The following ULK4 variants were observed in gnomAD, a reference collection of about 807,000 sequenced individuals.
ULK4 encodes unc-51 like kinase 4, also known as inactive serine/threonine-protein kinase ULK4.
In ULK4, 133 loss-of-function variants were observed where a neutral mutation model predicts 160.6. The ratio of observed to expected loss-of-function variants is 0.83; its 90% CI spans 0.72 to 0.96. The LOEUF is 0.96. Ranked by LOEUF, ULK4 falls within the 40% of genes least tolerant of loss-of-function variation. The pLI is 0.00. For missense variants in ULK4, 1,580 were observed against 1,499.5 expected, an observed-to-expected ratio of 1.05 and a Z score of -0.89; for synonymous variants, 534 against 539.8, an observed-to-expected ratio of 0.99 and a Z score of 0.15.
intron 34 of ULK4, among the ~76,000 whole-genome samples, chr3:41,402,696 C>G (rs2082206327): frequency 6.6e-6 from 1 of 152,136 alleles, no homozygotes; most frequent in East Asian, 1.9e-4. Flanking sequence ...CCTTGCACAT[C>G]TGGGATAAAT....
intron 35 of ULK4, among the ~76,000 whole-genome samples, chr3:41,279,206 A>T (rs891651076): frequency 2.6e-5 from 4 of 150,990 alleles, no homozygotes; most frequent in Admixed American, 1.3e-4. Context: ...ATGACTGAAG[A>T]GCAAATTAAT....
At chr3:41,629,837 A>G (rs2033675397) in intron 30 of ULK4, among the ~76,000 whole-genome samples, 1 of 151,722 alleles carries the variant, frequency 6.6e-6, no homozygotes, top group Admixed American at 6.6e-5. Context: ...TAAAAAAAAA[A>G]AATATAAAAA....
intron 27 of ULK4, among the ~76,000 whole-genome samples, chr3:41,700,470 G>A (rs1054451101): frequency 6.6e-6 from 1 of 152,168 alleles, no homozygotes; most frequent in African/African-American, 2.4e-5. Flanking sequence ...GACAACTGAG[G>A]AGGCTGCCCT....
chr3:41,487,617 G>T (rs2084587565), intron 32 of ULK4, among the ~76,000 whole-genome samples: 1 of 152,006 alleles, frequency 6.6e-6, no homozygotes, highest in Non-Finnish European at 1.5e-5. Flanking sequence ...AGTAATTATG[G>T]TATAACTACC....
At chr3:41,276,158 T>C (rs1559500046) in intron 35 of ULK4, among the ~76,000 whole-genome samples, 1 of 152,180 alleles carries the variant, frequency 6.6e-6, no homozygotes, top group Non-Finnish European at 1.5e-5. Flanking sequence ...CTGTGAGAGT[T>C]TCAATGCACT....
intron 29 of ULK4, among the ~76,000 whole-genome samples, chr3:41,677,113 T>A (rs561635195): frequency 6.6e-6 from 1 of 152,128 alleles, no homozygotes; most frequent in East Asian, 1.9e-4. Flanking sequence ...TTTGCCATGT[T>A]GCCCAGGCTA....
At chr3:41,726,634 G>C (rs948654038) in intron 22 of ULK4, among the ~76,000 whole-genome samples, 1 of 152,022 alleles carries the variant, frequency 6.6e-6, no homozygotes, top group Non-Finnish European at 1.5e-5. Context: ...TAATTTTTTT[G>C]AGACAGAGTC....
intron 19 of ULK4, among the ~76,000 whole-genome samples, chr3:41,809,774 A>G (rs1284200606): frequency 6.6e-6 from 1 of 152,096 alleles, no homozygotes; most frequent in African/African-American, 2.4e-5. Context: ...TACCAATATA[A>G]TCTTTTTTCA....
At chr3:41,429,634 C>T (rs2125844852) in intron 34 of ULK4, among the ~76,000 whole-genome samples, 1 of 151,886 alleles carries the variant, frequency 6.6e-6, no homozygotes, top group Middle Eastern at 3.4e-3. Flanking sequence ...CAAACTAATG[C>T]AGGAACGAAA....
At chr3:41,748,177 C>A (rs571161738) in intron 22 of ULK4, among the ~76,000 whole-genome samples, 1 of 150,742 alleles carries the variant, frequency 6.6e-6, no homozygotes, top group Non-Finnish European at 1.5e-5. Flanking sequence ...CACATACACA[C>A]ACCATAGAGA....
intron 13 of ULK4, among the ~76,000 whole-genome samples, chr3:41,899,942 T>C (rs2148790770): frequency 6.6e-6 from 1 of 150,886 alleles, no homozygotes; most frequent in South Asian, 2.1e-4. Flanking sequence ...ACGTTCCCAA[T>C]GAGATAAGAA....
At chr3:41,565,897 T>C (rs6786299) in intron 32 of ULK4, 128 bp downstream of exon 32, 210,285 of 645,638 alleles carry the variant, frequency 0.33, 35,867 homozygotes, top group African/African-American at 0.4. Flanking sequence ...TTGCTAGTAA[T>C]ATTACTTGAA....
intron 31 of ULK4, among the ~76,000 whole-genome samples, chr3:41,570,565 A>C (rs963652808): frequency 6.6e-6 from 1 of 152,190 alleles, no homozygotes; most frequent in Non-Finnish European, 1.5e-5. Context: ...TTGTTCAAAG[A>C]CCCATCTGTC....
At chr3:41,287,445 T>C (rs961395158) in intron 35 of ULK4, among the ~76,000 whole-genome samples, 10 of 152,162 alleles carry the variant, frequency 6.6e-5, no homozygotes, top group Admixed American at 5.9e-4. Context: ...GATTCGTCTG[T>C]GAATGGAATA....
chr3:41,640,634 A>C (rs752846850), intron 30 of ULK4, among the ~76,000 whole-genome samples: 1 of 152,146 alleles, frequency 6.6e-6, no homozygotes, highest in South Asian at 2.1e-4. Flanking sequence ...CAAAATGCTT[A>C]AGTCTGAGCA....
chr3:41,945,976 T>C (rs1227498348), intron 2 of ULK4, among the ~76,000 whole-genome samples: 1 of 152,144 alleles, frequency 6.6e-6, no homozygotes, highest in Non-Finnish European at 1.5e-5. Context: ...CTAGCAAAAT[T>C]AATCTGTGGA....
At chr3:41,368,520 C>A (rs914844497) in intron 35 of ULK4, among the ~76,000 whole-genome samples, 9 of 152,194 alleles carry the variant, frequency 5.9e-5, no homozygotes, top group African/African-American at 2.2e-4. Flanking sequence ...AGCAGTCACA[C>A]CCATTCCCCT....
chr3:41,542,643 C>G (rs2086734284), intron 32 of ULK4, among the ~76,000 whole-genome samples: 1 of 152,138 alleles, frequency 6.6e-6, no homozygotes, highest in Admixed American at 6.6e-5. Context: ...GTGAATCCAT[C>G]TGGTCCTGGA....
intron 29 of ULK4, among the ~76,000 whole-genome samples, chr3:41,677,231 T>C (rs1411341844): frequency 6.6e-6 from 1 of 150,762 alleles, no homozygotes; most frequent in Non-Finnish European, 1.5e-5. Flanking sequence ...TTCTATCCAG[T>C]CATACCCAGG....
Sources: gnomAD v4.1 joint callset for allele counts (sites outside exome capture counted in the v4.1 genomes callset) on GRCh38, gnomAD v4.1.1 for gene constraint, MANE v1.5 for transcripts, NCBI Gene and HGNC (gene_info 2026-07-23, HGNC 2026-07-21) for gene names.